The following SYNE2 variants were observed in gnomAD, a reference collection of about 807,000 sequenced individuals.
SYNE2 encodes nesprin-2.
In SYNE2, 431 loss-of-function variants were observed where a neutral mutation model predicts 856.3. The observed-to-expected ratio is 0.50, with a 90% CI of 0.47 to 0.55. The LOEUF (loss-of-function observed/expected upper bound fraction) is 0.55. SYNE2 is among the 20% of genes least tolerant of loss of function. SYNE2 has a pLI of 0.00. For synonymous variants in SYNE2, 2,923 were observed against 2,872.3 expected (o/e 1.02, Z -0.56); for missense variants, 8,129 against 8,023.2 (o/e 1.01, Z -0.50).
intron 1 of SYNE2, among the ~76,000 whole-genome samples, chr14:63,856,472 C>T (rs987161828): frequency 1.3e-5 from 2 of 152,180 alleles, no homozygotes; most frequent in Non-Finnish European, 2.9e-5. Flanking sequence ...ACATGTGCTC[C>T]TGGGGGCTGT....
chr14:64,070,705 A>C lies in SYNE2; in HGVS notation c.10492A>C (p.Thr3498Pro). 6.2e-7 allele frequency: 1 copy of C among 1,614,104 alleles called. No individual in the cohort carries two copies. Among genetic ancestry groups the C allele is most frequent in the African/African-American group, 1.3e-5 (1 of 75,052 alleles). ...LQEELPEISK[T>P]KEAATTEELS... ...GGAAGAACTCCCTGAAATTTCCAAA[A>C]CAAAAGAGGCAGCCACCACAGAGGA... is the stretch of plus-strand genomic sequence containing the variant. Residue 3498 changes from threonine (T) to proline (P), a missense_variant, in exon 52 of 116, where the codon ACA (threonine) becomes CCA (proline). By Grantham distance (38) the Thr-to-Pro change is conservative. Around this residue, in one of 3 missense-constraint regions of SYNE2, gnomAD observed 5,410 missense variants for 5,284.8 expected, o/e 1.02. Coordinates refer to ENST00000555002, the MANE Select transcript of SYNE2 (RefSeq NM_182914.3).
intron 1 of SYNE2, among the ~76,000 whole-genome samples, chr14:63,796,331 C>T (rs1327927948): frequency 3.9e-5 from 6 of 152,152 alleles, no homozygotes; most frequent in Non-Finnish European, 8.8e-5. Context: ...TGGTGGCACA[C>T]ACCTGTTCCC....
At chr14:63,974,892 G>GTACATATATATATATATATATATA (rs2096527497) in intron 11 of SYNE2, among the ~76,000 whole-genome samples, 3 of 67,322 alleles carry the variant, frequency 4.5e-5, no homozygotes, top group Non-Finnish European at 9.3e-5. Context: ...GTGTGTGTGT[G>GTACATATATATATATATATATATA]TATATATATA....
At chr14:64,076,671 A>G (rs1399957963) in intron 54 of SYNE2, among the ~76,000 whole-genome samples, 1 of 151,878 alleles carries the variant, frequency 6.6e-6, no homozygotes, top group Non-Finnish European at 1.5e-5. Flanking sequence ...AGATATTTTG[A>G]TTAGATTGTA....
At position 64,051,682 on chromosome 14, in the gene SYNE2, A is replaced by G; in HGVS notation, c.7769A>G (p.Asp2590Gly). 6.2e-7 allele frequency: 1 copy of G among 1,614,238 alleles called. No homozygotes were observed. The highest frequency in any genetic ancestry group is 8.5e-7 in the Non-Finnish European group (1 of 1,180,036). ...GAGAATTTATCAAACCACGTGACTGACATGGATAAGAAATTGTTGGAAAGC... is the reference window on the plus strand; with the variant it reads ...GAGAATTTATCAAACCACGTGACTGGCATGGATAAGAAATTGTTGGAAAGC... ...KWENLSNHVT[D>G]MDKKLLESQI... Residue 2590 changes from aspartate to glycine, a missense_variant, in exon 48 of 116, where the codon GAC (aspartate) becomes GGC (glycine). Asp to Gly is a moderately conservative substitution (Grantham distance 94, BLOSUM62 -1). This residue lies in a region of SYNE2 where 5,410 missense variants were observed against 5,284.8 expected (regional missense o/e 1.02). Transcript: ENST00000555002.
intron 14 of SYNE2, 150 bp from the exon 15 acceptor site, chr14:63,980,504 T>G (rs534774993): frequency 1.7e-6 from 1 of 596,268 alleles, no homozygotes; most frequent in Non-Finnish European, 3.0e-6. Context: ...ACCATCCTTC[T>G]TCCTGTTTTC....
At position 63,992,995 on chromosome 14, in the gene SYNE2, G is replaced by A. The variant is rs77436975; in HGVS notation, c.2647-840G>A. On this transcript the variant is annotated intron_variant, in intron 21 of 115. Transcript: ENST00000555002. Reference sequence around the variant, plus strand: ...TCTGCCTTTTTCACACACAGGCCCCGACCTGTTTTTTTGTTCTGTCATTCG... The same window carrying A: ...TCTGCCTTTTTCACACACAGGCCCCAACCTGTTTTTTTGTTCTGTCATTCG... Among the ~76,000 whole-genome samples, 1,487 of 152,184 alleles carry A rather than the reference G, an allele frequency of 9.8e-3. 27 individuals carry two copies. The highest frequency in any genetic ancestry group is 0.034 in the African/African-American group (1,403 of 41,536).
chr14:64,104,720 G>C (rs1383129349), intron 64 of SYNE2, among the ~76,000 whole-genome samples: 1 of 152,022 alleles, frequency 6.6e-6, no homozygotes, highest in Non-Finnish European at 1.5e-5. Context: ...CAAAGTGCTG[G>C]GATTACAGGT....
intron 1 of SYNE2, among the ~76,000 whole-genome samples, chr14:63,771,049 A>G (rs1183898588): frequency 1.3e-5 from 2 of 150,606 alleles, no homozygotes; most frequent in Non-Finnish European, 2.9e-5. Flanking sequence ...ATAGAGTCAC[A>G]GAAACCCTTA....
chr14:63,943,879 C>T (rs2095969987), intron 6 of SYNE2, among the ~76,000 whole-genome samples: 2 of 151,778 alleles, frequency 1.3e-5, no homozygotes, highest in African/African-American at 4.8e-5. Context: ...CCATGTTGCT[C>T]AGGCTGGTAT....
At chr14:64,091,306 AAG>A (rs758726308) in intron 60 of SYNE2, among the ~76,000 whole-genome samples, 2 of 152,198 alleles carry the variant, frequency 1.3e-5, no homozygotes, top group Non-Finnish European at 2.9e-5. Context: ...ATGCTGTGGG[AAG>A]AGAGTCAAAC....
chr14:64,057,269 C>T (rs2097279179), intron 49 of SYNE2, among the ~76,000 whole-genome samples: 1 of 151,976 alleles, frequency 6.6e-6, no homozygotes, highest in African/African-American at 2.4e-5. Flanking sequence ...TTCCACCTCC[C>T]CCACTACTCT....
chr14:64,078,374 A>T, intron 54 of SYNE2, 92 bp from the exon 55 acceptor site: 1 of 1,571,068 alleles, frequency 6.4e-7, no homozygotes, highest in Non-Finnish European at 8.7e-7. Flanking sequence ...TTTACAAGTT[A>T]AAACAGAGTG....
At chr14:63,802,666 C>A (rs370839846) in intron 1 of SYNE2, among the ~76,000 whole-genome samples, 1 of 152,194 alleles carries the variant, frequency 6.6e-6, no homozygotes, top group Non-Finnish European at 1.5e-5. Flanking sequence ...AAGCCGCAGA[C>A]CCTCGCGGTG....
chr14:63,928,193 G>A (rs1353564935), intron 2 of SYNE2, among the ~76,000 whole-genome samples: 2 of 152,174 alleles, frequency 1.3e-5, no homozygotes, highest in Non-Finnish European at 2.9e-5. Context: ...AAGGTTGGGG[G>A]TGTCCAACCC....
intron 51 of SYNE2, among the ~76,000 whole-genome samples, chr14:64,067,463 G>A (rs1467310862): frequency 6.6e-6 from 1 of 152,114 alleles, no homozygotes; most frequent in African/African-American, 2.4e-5. Flanking sequence ...ACATCAAATT[G>A]ATATAAGATT....
intron 35 of SYNE2, among the ~76,000 whole-genome samples, chr14:64,020,653 A>G (rs771790614): frequency 5.8e-4 from 88 of 152,218 alleles, no homozygotes; most frequent in Admixed American, 6.5e-4. Context: ...ATTATTTTCT[A>G]TGTGTTTCTT....
intron 81 of SYNE2, 135 bp from the exon 82 acceptor site, chr14:64,141,807 G>A (rs926286013): frequency 7.5e-6 from 9 of 1,203,334 alleles, no homozygotes; most frequent in South Asian, 1.4e-5. Context: ...TTGAATGCTG[G>A]GTTTGTTTTT....
At chr14:63,959,974 C>G (rs1452261177) in intron 8 of SYNE2, among the ~76,000 whole-genome samples, 1 of 152,082 alleles carries the variant, frequency 6.6e-6, no homozygotes, top group Non-Finnish European at 1.5e-5. Flanking sequence ...AATAATAGCT[C>G]AAAAATGTGA....
Sources: gnomAD v4.1 joint callset for allele counts (sites outside exome capture counted in the v4.1 genomes callset) on GRCh38, gnomAD v4.1.1 for gene constraint, gnomAD v4.1.1 regional missense constraint, MANE v1.5 for transcripts, NCBI Gene and HGNC (gene_info 2026-07-23, HGNC 2026-07-21) for gene names.